The following CTBP2 variants were observed in gnomAD, a reference collection of about 807,000 sequenced individuals.
CTBP2 encodes C-terminal-binding protein 2.
Under a neutral mutation model 80.3 loss-of-function variants are expected in CTBP2, and 30 were observed. That is an observed-to-expected ratio of 0.37 (90% CI 0.28 to 0.51). The LOEUF (loss-of-function observed/expected upper bound fraction) is 0.51, where lower values mean the gene tolerates loss of function less well. Ranked by LOEUF, CTBP2 falls within the 20% of genes least tolerant of loss-of-function variation. The pLI is 0.93. For missense variants in CTBP2, 1,212 were observed against 1,375.3 expected, an observed-to-expected ratio of 0.88 and a Z score of 1.88; for synonymous variants, 594 against 587.4, an observed-to-expected ratio of 1.01 and a Z score of -0.16.
At chr10:125,053,065 G>A (rs1239569657) in intron 2 of CTBP2, among the ~76,000 whole-genome samples, 3 of 151,862 alleles carry the variant, frequency 2.0e-5, no homozygotes, top group Non-Finnish European at 4.4e-5. Context: ...AACTTTAGGA[G>A]TACAAAAGGC....
chr10:124,989,527 G>T lies in CTBP2; in HGVS notation c.2949C>A (p.Asn983Lys). 1 of 1,612,686 alleles carries T rather than the reference G, an allele frequency of 6.2e-7. No individual in the cohort carries two copies. The highest frequency in any genetic ancestry group is 8.5e-7 in the Non-Finnish European group (1 of 1,179,818). ...CTTCTGGCATTCTCTGCTATTGCTCGTTGGGGTGCTCTCGATTGTCCCCGT... is the reference window on the plus strand; with the variant it reads ...CTTCTGGCATTCTCTGCTATTGCTCTTTGGGGTGCTCTCGATTGTCCCCGT... The change falls in exon 9 of 9, where the codon AAC (asparagine) becomes AAA (lysine). Residue 983 changes from asparagine (N) to lysine (K), a missense_variant. This residue lies in a region of CTBP2 where 335 missense variants were observed against 504.7 expected (regional missense o/e 0.66). Coordinates refer to ENST00000309035, the MANE Select transcript of CTBP2 (RefSeq NM_022802.3).
chr10:125,001,815 G>A (rs1589982221), intron 3 of CTBP2, among the ~76,000 whole-genome samples: 1 of 152,192 alleles, frequency 6.6e-6, no homozygotes, highest in Non-Finnish European at 1.5e-5. Context: ...CCGACTGGCC[G>A]TGAAGGATTC....
chr10:125,145,616 A>G (rs1438451994), intron 1 of CTBP2, among the ~76,000 whole-genome samples: 2 of 152,108 alleles, frequency 1.3e-5, no homozygotes, highest in Non-Finnish European at 2.9e-5. Flanking sequence ...AGTTGACGGG[A>G]GGATTTGTCT....
At chr10:125,017,233 G>C (rs1359684906) in intron 1 of CTBP2, among the ~76,000 whole-genome samples, 2 of 152,226 alleles carry the variant, frequency 1.3e-5, no homozygotes, top group Non-Finnish European at 2.9e-5. Flanking sequence ...GGGTAGCGGA[G>C]GAAGGTGCAG....
chr10:125,153,902 G>A lies in CTBP2; in HGVS notation c.-206+6417C>T, dbSNP rs567081475. ...TCAGGCATGGCTGGAGCACAGCCAC[G>A]ATAAGCTGGACTTTACAAGCCCTGA... On this transcript the variant is annotated intron_variant, in intron 1 of 10. Coordinates refer to the CTBP2 transcript ENST00000337195. Among the ~76,000 whole-genome samples the A allele has an allele frequency of 2.6e-5, 4 of 152,294 alleles. No individual in the cohort carries two copies. In the East Asian group the frequency reaches 5.8e-4, roughly 22 times the overall value.
chr10:125,125,104 A>T (rs1453670872), intron 1 of CTBP2, among the ~76,000 whole-genome samples: 1 of 152,204 alleles, frequency 6.6e-6, no homozygotes, highest in Non-Finnish European at 1.5e-5. Flanking sequence ...CCTTAAGGGG[A>T]CAGAGGTATC....
At chr10:125,007,229 A>C (rs1296408879) in intron 1 of CTBP2, among the ~76,000 whole-genome samples, 1 of 152,094 alleles carries the variant, frequency 6.6e-6, no homozygotes, top group Non-Finnish European at 1.5e-5. Context: ...TAGAGCAGAA[A>C]GCCCTGCCGG....
chr10:125,113,682 T>C (rs533758794), intron 1 of CTBP2, among the ~76,000 whole-genome samples: 111 of 152,250 alleles, frequency 7.3e-4, no homozygotes, highest in Non-Finnish European at 1.1e-3. Flanking sequence ...GAACAATGTC[T>C]GAAGACAAAC....
chr10:125,027,985 A>G lies in CTBP2; in HGVS notation c.-226T>C. 2.3e-6 allele frequency: 3 copies of G among 1,285,064 alleles called. No homozygotes were observed. The highest frequency in any genetic ancestry group is 3.0e-6 in the Non-Finnish European group (3 of 989,104). 79.6% of individuals were successfully genotyped at this position (1,285,064 alleles called of 1,614,324 possible). ...TAACTTTGCCTCACTCCCCAACGAT[A>G]GCCAGAGAGGTCTGTTCCTTACAGC... On this transcript the variant is annotated 5_prime_UTR_variant, in exon 1 of 9. Transcript: ENST00000309035.
chr10:125,014,703 T>C (rs1956296875), intron 1 of CTBP2, among the ~76,000 whole-genome samples: 1 of 152,164 alleles, frequency 6.6e-6, no homozygotes, highest in Admixed American at 6.5e-5. Context: ...CAGAAAGCAC[T>C]GACTTGGAAG....
At chr10:125,100,954 C>G (rs958161219) in intron 2 of CTBP2, among the ~76,000 whole-genome samples, 16 of 152,174 alleles carry the variant, frequency 1.1e-4, no homozygotes, top group African/African-American at 3.9e-4. Context: ...CTAAATTCTT[C>G]TATCCTAATA....
intron 1 of CTBP2, among the ~76,000 whole-genome samples, chr10:125,151,295 C>G (rs957463919): frequency 2.6e-5 from 4 of 152,148 alleles, no homozygotes; most frequent in Non-Finnish European, 5.9e-5. Context: ...AGTCACATGC[C>G]TCGCCAGGCT....
chr10:125,118,642 G>C (rs372937210), intron 1 of CTBP2, among the ~76,000 whole-genome samples: 2 of 151,238 alleles, frequency 1.3e-5, no homozygotes, highest in Admixed American at 1.3e-4. Context: ...GTACCTGAGT[G>C]GGGCACGACA....
At chr10:125,155,796 C>A (rs1478752826) in intron 1 of CTBP2, among the ~76,000 whole-genome samples, 1 of 152,096 alleles carries the variant, frequency 6.6e-6, no homozygotes, top group African/African-American at 2.4e-5. Flanking sequence ...TGCATTTTCC[C>A]TTCTTTCCAG....
upstream of CTBP2, among the ~76,000 whole-genome samples, chr10:125,030,239 C>G (rs150466940): frequency 3.8e-3 from 584 of 152,192 alleles, 4 homozygotes; most frequent in African/African-American, 0.014. Context: ...TGAGATGGGA[C>G]CCATTAGAGT....
chr10:125,098,692 G>GAGAGAGAGAGAC, intron 2 of CTBP2, among the ~76,000 whole-genome samples: 1 of 118,784 alleles, frequency 8.4e-6, no homozygotes, highest in South Asian at 2.6e-4. Flanking sequence ...GAGAGAGAGA[G>GAGAGAGAGAGAC]AGAGAGAGAG....
chr10:125,124,714 ATATT>A (rs892459339), intron 1 of CTBP2, among the ~76,000 whole-genome samples: 22 of 152,308 alleles, frequency 1.4e-4, no homozygotes, highest in Non-Finnish European at 2.8e-4. Context: ...TTGATTAAAC[ATATT>A]TATGTCTTTG....
chr10:125,087,661 A>G (rs1026529282), intron 2 of CTBP2, among the ~76,000 whole-genome samples: 1 of 152,094 alleles, frequency 6.6e-6, no homozygotes, highest in Non-Finnish European at 1.5e-5. Context: ...CAGACCCCAC[A>G]TCTAGGAGTG....
chr10:125,024,458 T>C (rs1347685530), intron 1 of CTBP2, among the ~76,000 whole-genome samples: 4 of 152,156 alleles, frequency 2.6e-5, no homozygotes, highest in African/African-American at 9.7e-5. Flanking sequence ...ACTTATATAA[T>C]ACCCCTCACT....
Sources: gnomAD v4.1 joint callset for allele counts (sites outside exome capture counted in the v4.1 genomes callset) on GRCh38, gnomAD v4.1.1 for gene constraint, gnomAD v4.1.1 regional missense constraint, MANE v1.5 for transcripts, NCBI Gene and HGNC (gene_info 2026-07-23, HGNC 2026-07-21) for gene names.